The following GRIP2 variants were observed in gnomAD, a reference collection of about 807,000 sequenced individuals.
GRIP2 encodes glutamate receptor interacting protein 2, also known as glutamate receptor-interacting protein 2.
A neutral mutation model predicts 108.3 loss-of-function variants in GRIP2; 58 were observed. The observed-to-expected ratio is 0.54, with a 90% CI of 0.43 to 0.67. GRIP2 has a LOEUF of 0.67. GRIP2 is among the 30% of genes least tolerant of loss of function. The probability of loss-of-function intolerance (pLI) is 0.00; values close to 1 mark genes in which losing one functional copy is unlikely to be tolerated. For missense variants in GRIP2, 1,278 were observed against 1,430.6 expected, an observed-to-expected ratio of 0.89 and a Z score of 1.72; for synonymous variants, 586 against 598.2, an observed-to-expected ratio of 0.98 and a Z score of 0.30.
upstream of GRIP2, among the ~76,000 whole-genome samples, chr3:14,544,487 G>A (rs1241407864): frequency 6.6e-6 from 1 of 152,140 alleles, no homozygotes; most frequent in Non-Finnish European, 1.5e-5. Flanking sequence ...CTGGACCCAG[G>A]CCTCCGTCCT....
intron 1 of GRIP2, among the ~76,000 whole-genome samples, chr3:14,527,309 A>G (rs188357388): frequency 9.2e-5 from 14 of 152,116 alleles, no homozygotes; most frequent in Non-Finnish European, 1.6e-4. Flanking sequence ...CTAGGCATTT[A>G]AAGTGTGTTA....
intron 1 of GRIP2, among the ~76,000 whole-genome samples, chr3:14,539,806 C>A (rs940251554): frequency 2.0e-5 from 3 of 152,158 alleles, no homozygotes; most frequent in Non-Finnish European, 4.4e-5. Context: ...AGTTTCTCCT[C>A]CTGCCGAGAA....
the GRIP2 span, among the ~76,000 whole-genome samples, chr3:14,600,434 T>C: frequency 5.9e-5 from 9 of 152,268 alleles, no homozygotes; most frequent in African/African-American, 2.2e-4. Flanking sequence ...CAAGGTCACA[T>C]AGTTAGTAAT....
Position 14,503,452 on chromosome 3 carries a change from C to T in GRIP2, c.2679+114G>A, listed in dbSNP as rs146198043. On this transcript the variant is annotated intron_variant, in intron 21 of 23. Transcript: ENST00000621039. ...CACAGGGTGCCCAGGTGAGTGCATA[C>T]GTACACATTACACATGAGCATGATG... The T allele has an allele frequency of 5.1e-3, 3,680 of 721,526 alleles. 10 individuals carry two copies. The highest frequency in any genetic ancestry group is 7.4e-3 in the Non-Finnish European group (3,119 of 420,250). The allele number at this position is 721,526 out of a possible 1,614,324, so 44.7% of individuals were successfully genotyped here. A position where few individuals can be genotyped will look rare whatever the true frequency, so the allele number is the denominator to read the frequency against.
At chr3:14,545,658 C>T (rs1225433189), upstream of GRIP2, among the ~76,000 whole-genome samples, 1 of 152,210 alleles carries the variant, frequency 6.6e-6, no homozygotes, top group Non-Finnish European at 1.5e-5. Context: ...CCTCAGGTTC[C>T]TCCTCTAAAA....
At chr3:14,544,214 G>T (rs755739737), upstream of GRIP2, among the ~76,000 whole-genome samples, 1 of 152,068 alleles carries the variant, frequency 6.6e-6, no homozygotes, top group Admixed American at 6.5e-5. Flanking sequence ...GCAAACTCAC[G>T]GTCACCACAT....
At chr3:14,523,745 A>C in intron 4 of GRIP2, 47 bp from the exon 5 acceptor site, 1 of 1,291,690 alleles carries the variant, frequency 7.7e-7, no homozygotes, top group Non-Finnish European at 1.1e-6. Flanking sequence ...TCGCATCTCC[A>C]GGCCGGTAGA....
chr3:14,552,298 G>A (rs1346851400), intron 1 of GRIP2, among the ~76,000 whole-genome samples: 4 of 152,146 alleles, frequency 2.6e-5, no homozygotes, highest in East Asian at 1.9e-4. Context: ...GCGGAAGGAG[G>A]GAGTGAATAA....
the GRIP2 span, among the ~76,000 whole-genome samples, chr3:14,579,191 C>G: frequency 6.6e-6 from 1 of 152,034 alleles, no homozygotes; most frequent in South Asian, 2.1e-4. Context: ...AGGCCAGAGA[C>G]AAAAGATATC....
chr3:14,527,367 T>TGAAAG (rs776162593), intron 1 of GRIP2, among the ~76,000 whole-genome samples: 28 of 135,878 alleles, frequency 2.1e-4, no homozygotes, highest in East Asian at 1.1e-3. Context: ...TCTAATTACT[T>TGAAAG]GAAAGGAAAG....
rs186268187 is a variant in GRIP2 at position 14,523,492 on chromosome 3, T to C, written c.490+120A>G. 5.6e-6 allele frequency: 4 copies of C among 719,360 alleles called. No homozygotes were observed. The Admixed American group carries it at 8.5e-5, about 15-fold the overall frequency. 44.6% of individuals were successfully genotyped at this position (719,360 alleles called of 1,614,324 possible). A position where few individuals can be genotyped will look rare whatever the true frequency, so the allele number is the denominator to read the frequency against. ...GAATACTTACCTTAACGGTCCTGTG[T>C]TCTTCAAAGTCAGAACTGAGATACA... On this transcript the variant is annotated intron_variant, in intron 5 of 23. Transcript: ENST00000621039.
In GRIP2 at chr3:14,498,056, T is replaced by C. The variant is rs1559330174; in HGVS notation, c.2680-1496A>G. On this transcript the variant is annotated intron_variant, in intron 21 of 23. Coordinates refer to ENST00000621039, the MANE Select transcript of GRIP2 (RefSeq NM_001080423.4). ...TCCCCAGCCTAGAAACATCTCTCCT[T>C]CTACCCATCACAGTATCTGAATTCC... Among the ~76,000 whole-genome samples the C allele has an allele frequency of 2.0e-5, 3 of 152,212 alleles. No individual in the cohort carries two copies. In the East Asian group the frequency reaches 5.8e-4, roughly 29 times the overall value.
rs372145881 is a variant in GRIP2, at chr3:14,523,026, G to A, written c.540C>T (p.Tyr180=). The change falls in exon 6 of 24, where the codon TAC becomes TAT. Residue 180 remains tyrosine, a synonymous_variant. Coordinates refer to ENST00000621039, the MANE Select transcript of GRIP2 (RefSeq NM_001080423.4). ...GHKSRPLVLT[Y]VRPGGPADRE... ...TGTCGGCAGGGCCACCGGGCCGCAC[G>A]TAGGTCAGGACAAGCGGGCGGGACT... The A allele has an allele frequency of 1.5e-5, 25 of 1,613,590 alleles. No individual in the cohort carries two copies. Among genetic ancestry groups the A allele is most frequent in the African/African-American group, 4.0e-5 (3 of 74,920 alleles).
rs1487119839 is a variant in GRIP2 at position 14,493,220 on chromosome 3, C to T, written c.*445G>A. On this transcript the variant is annotated 3_prime_UTR_variant, in exon 24 of 24. Transcript: ENST00000621039. The stretch of plus-strand genomic sequence containing the variant: ...CAATGCATGACTGCGCTGGGGTATC[C>T]AGCTCCTGCCTGCTCACCTCCTGTG... 1.2e-5 allele frequency: 2 copies of T among 162,456 alleles called. No individual in the cohort carries two copies. The highest frequency in any genetic ancestry group is 4.8e-5 in the African/African-American group (2 of 41,854). The allele number at this position is 162,456 out of a possible 1,614,324, so 10.1% of individuals were successfully genotyped here.
At chr3:14,534,407 CTCTT>C (rs1694784962) in intron 1 of GRIP2, among the ~76,000 whole-genome samples, 1 of 152,202 alleles carries the variant, frequency 6.6e-6, no homozygotes. Context: ...CTCCCACTCT[CTCTT>C]TTTTGTTCCA....
At chr3:14,533,136 C>T (rs1451039897) in intron 1 of GRIP2, among the ~76,000 whole-genome samples, 2 of 152,232 alleles carry the variant, frequency 1.3e-5, no homozygotes, top group African/African-American at 2.4e-5. Context: ...AGGCGACACC[C>T]CATTAAGTAT....
At chr3:14,602,717 G>A in the GRIP2 span, among the ~76,000 whole-genome samples, 58 of 151,932 alleles carry the variant, frequency 3.8e-4, 1 homozygote, top group African/African-American at 1.2e-3. This position sits in a 1 kb window ranked among gnomAD's most constrained non-coding sequence, Gnocchi z 4.7. Context: ...ACCAGGCTCC[G>A]CTCCGCAGCT....
the GRIP2 span, among the ~76,000 whole-genome samples, chr3:14,598,366 A>ACG: frequency 6.6e-6 from 1 of 151,742 alleles, no homozygotes; most frequent in African/African-American, 2.4e-5. Context: ...ACACACACAC[A>ACG]CGCACACACA....
chr3:14,529,786 G>A (rs572715621), intron 1 of GRIP2, among the ~76,000 whole-genome samples: 1 of 152,266 alleles, frequency 6.6e-6, no homozygotes, highest in East Asian at 1.9e-4. Flanking sequence ...ACAGTAGACT[G>A]TTTCCTCGTG....
Sources: allele counts gnomAD v4.1 joint callset (sites outside exome capture counted in the v4.1 genomes callset), GRCh38; gene constraint gnomAD v4.1.1; non-coding constraint Gnocchi (gnomAD v3.1); transcripts MANE v1.5; gene names NCBI Gene and HGNC (gene_info 2026-07-23, HGNC 2026-07-21).